The following NAALADL2 variants were observed in gnomAD, a reference collection of about 807,000 sequenced individuals.
The protein encoded by NAALADL2 is N-acetylated alpha-linked acidic dipeptidase like 2.
A neutral mutation model predicts 87.2 loss-of-function variants in NAALADL2; 76 were observed. The observed-to-expected ratio is 0.87, with a 90% CI of 0.72 to 1.05. The LOEUF is 1.05. Ranked by LOEUF, NAALADL2 falls within the 50% of genes least tolerant of loss-of-function variation. The pLI, the probability that NAALADL2 is intolerant of heterozygous loss-of-function variation, is 0.00. For missense variants in NAALADL2, 1,089 were observed against 945.8 expected (o/e 1.15, Z -1.99); for synonymous variants, 354 against 331.0 (o/e 1.07, Z -0.75).
chr3:174,598,823 A>G (rs1718167568), intron 2 of NAALADL2, among the ~76,000 whole-genome samples: 1 of 152,206 alleles, frequency 6.6e-6, no homozygotes, highest in Admixed American at 6.5e-5. Context: ...ATATGTTGCT[A>G]TCATTTTTGA....
intron 2 of NAALADL2, among the ~76,000 whole-genome samples, chr3:174,619,583 A>C (rs189104130): frequency 4.9e-4 from 75 of 152,076 alleles, no homozygotes; most frequent in African/African-American, 1.7e-3. Flanking sequence ...CAAGCCATGA[A>C]ATGAAGGGAT....
chr3:175,039,586 T>C (rs907988644), intron 1 of NAALADL2, among the ~76,000 whole-genome samples: 3 of 152,068 alleles, frequency 2.0e-5, no homozygotes, highest in Non-Finnish European at 4.4e-5. Context: ...TCATGAATCA[T>C]AAAAAGTAGA....
intron 7 of NAALADL2, among the ~76,000 whole-genome samples, chr3:175,466,030 A>G (rs1432462869): frequency 1.3e-5 from 2 of 152,224 alleles, no homozygotes; most frequent in African/African-American, 4.8e-5. Flanking sequence ...AGATGAAAAT[A>G]CTAAGGCATC....
chr3:175,781,660 A>ATG, intron 13 of NAALADL2, among the ~76,000 whole-genome samples: 4 of 151,494 alleles, frequency 2.6e-5, no homozygotes, highest in African/African-American at 7.3e-5. Context: ...TTTAGCAAAA[A>ATG]AAAAAAAAAA....
chr3:174,920,324 C>G (rs1043924028), intron 1 of NAALADL2, among the ~76,000 whole-genome samples: 1 of 152,206 alleles, frequency 6.6e-6, no homozygotes, highest in Non-Finnish European at 1.5e-5. Context: ...GAGTAGCCAT[C>G]TTCATCAATT....
chr3:174,512,699 T>C (rs1483314892), intron 1 of NAALADL2, among the ~76,000 whole-genome samples: 1 of 152,080 alleles, frequency 6.6e-6, no homozygotes. Context: ...CTCAGTGAGA[T>C]AGCAAAGCTC....
intron 5 of NAALADL2, among the ~76,000 whole-genome samples, chr3:175,420,055 AT>A (rs1241163727): frequency 6.6e-6 from 1 of 151,932 alleles, no homozygotes; most frequent in Non-Finnish European, 1.5e-5. Context: ...AAATATAGAC[AT>A]TGACCTAACC....
At chr3:174,944,599 CCT>C (rs1739130916) in intron 1 of NAALADL2, among the ~76,000 whole-genome samples, 1 of 152,122 alleles carries the variant, frequency 6.6e-6, no homozygotes, top group Admixed American at 6.5e-5. Context: ...GATCTAACCC[CCT>C]GTTTTGTCAT....
intron 13 of NAALADL2, among the ~76,000 whole-genome samples, chr3:175,781,553 T>C (rs545399652): frequency 2.6e-5 from 4 of 152,162 alleles, no homozygotes; most frequent in East Asian, 3.9e-4. Context: ...ATATGATACA[T>C]TGAATTGTTA....
chr3:175,182,550 GTTTTTTTTT>G (rs1161831796), intron 2 of NAALADL2, among the ~76,000 whole-genome samples: 47 of 69,470 alleles, frequency 6.8e-4, no homozygotes, highest in African/African-American at 1.3e-3. Flanking sequence ...ACCACAGCCA[GTTTTTTTTT>G]TTTTTTTTTT....
At chr3:174,668,153 T>A (rs1197363747) in intron 2 of NAALADL2, among the ~76,000 whole-genome samples, 1 of 152,130 alleles carries the variant, frequency 6.6e-6, no homozygotes, top group Non-Finnish European at 1.5e-5. Context: ...TTGTTGGTTA[T>A]TTGCATGTCT....
At chr3:174,453,971 G>A (rs565914770) in intron 1 of NAALADL2, among the ~76,000 whole-genome samples, 1 of 152,218 alleles carries the variant, frequency 6.6e-6, no homozygotes, top group Non-Finnish European at 1.5e-5. Flanking sequence ...GTTGCAAGCT[G>A]GATAAAGACC....
intron 2 of NAALADL2, among the ~76,000 whole-genome samples, chr3:174,649,597 C>T (rs1364663756): frequency 1.3e-5 from 2 of 152,018 alleles, no homozygotes; most frequent in Non-Finnish European, 2.9e-5. Context: ...TCTGGACCCT[C>T]TGACAAGTCA....
At chr3:175,589,266 G>A (rs1582523628) in intron 10 of NAALADL2, among the ~76,000 whole-genome samples, 1 of 152,022 alleles carries the variant, frequency 6.6e-6, no homozygotes, top group Non-Finnish European at 1.5e-5. Flanking sequence ...TATTATACCA[G>A]AAAGCTAAAT....
At chr3:175,650,841 G>C (rs1313926937) in intron 11 of NAALADL2, among the ~76,000 whole-genome samples, 1 of 152,068 alleles carries the variant, frequency 6.6e-6, no homozygotes, top group Non-Finnish European at 1.5e-5. Flanking sequence ...GAAACATTTA[G>C]GGTGTTATAA....
chr3:174,789,175 T>C (rs1717163689), intron 3 of NAALADL2, among the ~76,000 whole-genome samples: 1 of 152,216 alleles, frequency 6.6e-6, no homozygotes. Context: ...CAGTGGTACA[T>C]GCACAGAAAC....
rs2108770198 is a variant in NAALADL2 at position 174,657,525 on chromosome 3, A to G, written c.-114-80116A>G. Among the ~76,000 whole-genome samples, 3 of 152,250 alleles carry G rather than the reference A, an allele frequency of 2.0e-5. No individual in the cohort carries two copies. The Middle Eastern group carries it at 0.01, about 518-fold the overall frequency. ...CGCAGAAAACTTGAGAGGAAGGCAT[A>G]GAGATATCCCATATGCCTGTGCCCC... On this transcript the variant is annotated intron_variant, in intron 2 of 3. Transcript: ENST00000434257.
At chr3:175,508,871 T>G (rs1046333574) in intron 9 of NAALADL2, among the ~76,000 whole-genome samples, 2 of 152,044 alleles carry the variant, frequency 1.3e-5, no homozygotes, top group Non-Finnish European at 2.9e-5. Flanking sequence ...ATCCCAGCAC[T>G]TTGGGAGGCC....
At chr3:174,797,292 G>GT (rs1468962061) in intron 3 of NAALADL2, among the ~76,000 whole-genome samples, 12 of 109,642 alleles carry the variant, frequency 1.1e-4, no homozygotes, top group Non-Finnish European at 1.5e-4. Flanking sequence ...TTTTTCTTTT[G>GT]TTTTTCTTTT....
Sources: allele counts gnomAD v4.1 joint callset (sites outside exome capture counted in the v4.1 genomes callset), GRCh38; gene constraint gnomAD v4.1.1; transcripts MANE v1.5; gene names NCBI Gene and HGNC (gene_info 2026-07-23, HGNC 2026-07-21).